Variants in LRRN1 observed in about 807,000 individuals in gnomAD.
The protein encoded by LRRN1 is leucine-rich repeat neuronal protein 1.
Under a neutral mutation model 45.8 loss-of-function variants are expected in LRRN1, and 14 were observed. That is an observed-to-expected ratio of 0.31 (90% CI 0.20 to 0.48). The LOEUF is 0.48. Among genes scored for constraint, LRRN1 ranks in the 20% least tolerant of loss-of-function variants. The pLI, the probability that LRRN1 is intolerant of heterozygous loss-of-function variation, is 0.99. For missense variants in LRRN1, 789 were observed against 874.2 expected, an observed-to-expected ratio of 0.90 and a Z score of 1.23; for synonymous variants, 359 against 330.1, an observed-to-expected ratio of 1.09 and a Z score of -0.95.
At position 3,820,223 on chromosome 3, in the gene LRRN1, T is replaced by A. The variant is rs79629545; in HGVS notation, c.-279+20304T>A. 7.9e-3 allele frequency among the ~76,000 whole-genome samples: 1,197 copies of A among 152,304 alleles called. 54 individuals carry two copies. In the East Asian group the frequency reaches 0.14, roughly 17 times the overall value. Reference sequence around the variant, plus strand: ...AAGAATGTGATCTAGAAATGACATATATTTTTAATAGGAAGTAACTAAAAT... The same window carrying A: ...AAGAATGTGATCTAGAAATGACATAAATTTTTAATAGGAAGTAACTAAAAT... On this transcript the variant is annotated intron_variant, in intron 1 of 1. Coordinates refer to ENST00000319331, the MANE Select transcript of LRRN1 (RefSeq NM_020873.7).
chr3:3,839,202 A>G (rs1319150706), intron 1 of LRRN1, among the ~76,000 whole-genome samples: 1 of 151,962 alleles, frequency 6.6e-6, no homozygotes, highest in Non-Finnish European at 1.5e-5. Context: ...TAAGAGTACA[A>G]CCTCATTCTT....
intron 1 of LRRN1, among the ~76,000 whole-genome samples, chr3:3,819,816 A>G (rs1374536199): frequency 2.0e-5 from 3 of 152,184 alleles, no homozygotes; most frequent in East Asian, 1.9e-4. Context: ...GACCCAGATC[A>G]TGGGATACAC....
At chr3:3,834,614 A>C (rs1693466717) in intron 1 of LRRN1, among the ~76,000 whole-genome samples, 1 of 137,526 alleles carries the variant, frequency 7.3e-6, no homozygotes, top group Admixed American at 7.9e-5. Flanking sequence ...TATATAATAT[A>C]TGTAAAGGAG....
In LRRN1 at chr3:3,846,743, A is replaced by G; in HGVS notation, c.2102A>G (p.Asp701Gly). ...GAGAAAGACAAAGATGGTTCTGCAG[A>G]CACCAAGCCAACCCAGGTCGACACA... ...DSEKDKDGSA[D>G]TKPTQVDTSR... The change falls in exon 2 of 2, where the codon GAC (aspartate) becomes GGC (glycine). Residue 701 changes from aspartate (D) to glycine (G), a missense_variant. By Grantham distance (94) the Asp-to-Gly change is moderately conservative. Transcript: ENST00000319331. The surrounding 1 kb of genome is among the most constrained non-coding windows in gnomAD (Gnocchi z 5.7). The G allele has an allele frequency of 6.2e-7, 1 of 1,613,388 alleles. No homozygotes were observed. The highest frequency in any genetic ancestry group is 1.3e-5 in the African/African-American group (1 of 75,026).
chr3:3,818,017 G>A (rs1693022380), intron 1 of LRRN1, among the ~76,000 whole-genome samples: 1 of 152,194 alleles, frequency 6.6e-6, no homozygotes, highest in Non-Finnish European at 1.5e-5. Flanking sequence ...TGCCCACAGT[G>A]ACGAGTCTAT....
At position 3,845,060 on chromosome 3, in the gene LRRN1, A is replaced by G. The variant is rs985064051; in HGVS notation, c.419A>G (p.Gln140Arg). The G allele has an allele frequency of 5.6e-6, 9 of 1,614,178 alleles. No homozygotes were observed. The highest frequency in any genetic ancestry group is 7.6e-6 in the Non-Finnish European group (9 of 1,180,030). ...QITEMTDYCL[Q>R]DLSNLQELYI... ...ACCGAGATGACTGATTACTGTCTAC[A>G]AGACCTCAGCAACCTTCAAGAACTC... The change falls in exon 2 of 2, where the codon CAA becomes CGA. Residue 140 changes from glutamine to arginine, a missense_variant. Gln to Arg is a conservative substitution (Grantham distance 43). Coordinates refer to ENST00000319331, the MANE Select transcript of LRRN1 (RefSeq NM_020873.7). This position sits in a 1 kb window ranked among gnomAD's most constrained non-coding sequence, Gnocchi z 6.5.
intron 1 of LRRN1, among the ~76,000 whole-genome samples, chr3:3,843,578 C>CCG (rs1553563708): frequency 6.6e-6 from 1 of 151,824 alleles, no homozygotes; most frequent in South Asian, 2.1e-4. Flanking sequence ...TACCCCCCCC[C>CCG]ATACCCCTGG....
chr3:3,823,397 A>T (rs1362623377), intron 1 of LRRN1, among the ~76,000 whole-genome samples: 1 of 140,918 alleles, frequency 7.1e-6, no homozygotes, highest in Non-Finnish European at 1.5e-5. Flanking sequence ...GATGTTGTTT[A>T]AAAAAAAAAA....
chr3:3,818,368 C>T (rs6777478), intron 1 of LRRN1, among the ~76,000 whole-genome samples: 2,403 of 152,160 alleles, frequency 0.016, 63 homozygotes, highest in African/African-American at 0.055. Context: ...CTTGCTGGTG[C>T]TGAAAAGGAG....
chr3:3,827,614 G>C lies in LRRN1; in HGVS notation c.-278-16750G>C, dbSNP rs982870948. On this transcript the variant is annotated intron_variant, in intron 1 of 1. Coordinates refer to ENST00000319331, the MANE Select transcript of LRRN1 (RefSeq NM_020873.7). ...CAAATTTGAATCCTGCATTTGCCATGGATCTATTTGGAGCCTGAGAAAAAG... is the reference window on the plus strand; with the variant it reads ...CAAATTTGAATCCTGCATTTGCCATCGATCTATTTGGAGCCTGAGAAAAAG... The C allele has an allele frequency of 1.2e-5, 5 of 419,656 alleles. No homozygotes were observed. The Admixed American group carries it at 1.3e-4, about 11-fold the overall frequency. 26.0% of individuals were successfully genotyped at this position (419,656 alleles called of 1,614,324 possible). A position where few individuals can be genotyped will look rare whatever the true frequency, so the allele number is the denominator to read the frequency against.
In LRRN1 at chr3:3,799,826, C is replaced by G; in HGVS notation, c.-372C>G. On this transcript the variant is annotated 5_prime_UTR_variant, in exon 1 of 2. Transcript: ENST00000319331. ...CTCAGCTAGTCCTCCTCCTCCTCCT[C>G]GTCTTTCTCCTCCTCCTGCTGCTGC... 6.1e-6 allele frequency: 1 copy of G among 163,290 alleles called. No individual in the cohort carries two copies. Among genetic ancestry groups the G allele is most frequent in the South Asian group, 1.4e-4 (1 of 7,100 alleles). The allele number at this position is 163,290 out of a possible 1,614,324, so 10.1% of individuals were successfully genotyped here. A position where few individuals can be genotyped will look rare whatever the true frequency, so the allele number is the denominator to read the frequency against.
chr3:3,816,017 T>C lies in LRRN1; in HGVS notation c.-279+16098T>C, dbSNP rs1407010121. 6.6e-6 allele frequency among the ~76,000 whole-genome samples: 1 copy of C among 152,330 alleles called. No homozygotes were observed. The highest frequency in any genetic ancestry group is 1.9e-4 in the East Asian group (1 of 5,186). The stretch of plus-strand genomic sequence containing the variant: ...AAAATAGGAGGTAAGCCAATAAAGA[T>C]GATCTTATCATAGCATTGGATTCTT... On this transcript the variant is annotated intron_variant, in intron 1 of 1. Coordinates refer to ENST00000319331, the MANE Select transcript of LRRN1 (RefSeq NM_020873.7). This position sits in a 1 kb window ranked among gnomAD's most constrained non-coding sequence, Gnocchi z 4.0.
intron 1 of LRRN1, among the ~76,000 whole-genome samples, chr3:3,811,894 A>T (rs545328396): frequency 6.6e-6 from 1 of 152,326 alleles, no homozygotes; most frequent in South Asian, 2.1e-4. Flanking sequence ...AAGCAGAAAA[A>T]CAGGGGCTCA....
intron 1 of LRRN1, among the ~76,000 whole-genome samples, chr3:3,822,120 A>G (rs1693116876): frequency 6.6e-6 from 1 of 152,206 alleles, no homozygotes; most frequent in Admixed American, 6.5e-5. Context: ...TGGGTAGTTC[A>G]TTTTATTTTT....
At chr3:3,809,147 A>AT (rs11430159) in intron 1 of LRRN1, among the ~76,000 whole-genome samples, 96,172 of 151,550 alleles carry the variant, frequency 0.63, 33,098 homozygotes, top group Non-Finnish European at 0.78. Flanking sequence ...GTATTGAATG[A>AT]TTTTTTTTTC....
At chr3:3,831,277 T>C (rs1040308964) in intron 1 of LRRN1, among the ~76,000 whole-genome samples, 2 of 152,208 alleles carry the variant, frequency 1.3e-5, no homozygotes, top group African/African-American at 4.8e-5. Flanking sequence ...CAGCAACTTA[T>C]CCTTCACCTT....
intron 1 of LRRN1, chr3:3,827,510 CTG>C (rs932227801): frequency 3.1e-5 from 14 of 456,298 alleles, no homozygotes; most frequent in African/African-American, 2.8e-4. Flanking sequence ...TTCTTAAACT[CTG>C]TAAGGCAAGA....
At chr3:3,810,563 TGGG>T (rs1255902770) in intron 1 of LRRN1, among the ~76,000 whole-genome samples, 1 of 152,188 alleles carries the variant, frequency 6.6e-6, no homozygotes, top group East Asian at 1.9e-4. Context: ...CCAGGTATGC[TGGG>T]CATGGTGGTG....
Position 3,843,956 on chromosome 3 carries a change from T to C in LRRN1, c.-278-408T>C, listed in dbSNP as rs981263226. Among the ~76,000 whole-genome samples, 3 of 152,360 alleles carry C rather than the reference T, an allele frequency of 2.0e-5. No homozygotes were observed. In the South Asian group the frequency reaches 6.2e-4, roughly 32 times the overall value. ...AATTTTTTGGAGCTATAAATACATG[T>C]AGTTTCTAAAGACATCTTTGTTTTT... On this transcript the variant is annotated intron_variant, in intron 1 of 1. Transcript: ENST00000319331.
Sources: allele counts gnomAD v4.1 joint callset (sites outside exome capture counted in the v4.1 genomes callset), GRCh38; gene constraint gnomAD v4.1.1; non-coding constraint Gnocchi (gnomAD v3.1); transcripts MANE v1.5; gene names NCBI Gene and HGNC (gene_info 2026-07-23, HGNC 2026-07-21).